Variants in RBM19 observed in about 807,000 individuals in gnomAD.
The protein encoded by RBM19 is RNA binding motif protein 19, also known as probable RNA-binding protein 19.
Under a neutral mutation model 116.8 loss-of-function variants are expected in RBM19, and 94 were observed. That is an observed-to-expected ratio of 0.80 (90% CI 0.68 to 0.95). RBM19 has a LOEUF of 0.95. Ranked by LOEUF, RBM19 falls within the 40% of genes least tolerant of loss-of-function variation. The pLI is 0.00. For missense variants in RBM19, 1,161 were observed against 1,220.7 expected (o/e 0.95, Z 0.73); for synonymous variants, 475 against 494.1 (o/e 0.96, Z 0.51).
intron 6 of RBM19, 70 bp from the exon 7 acceptor site, chr12:113,955,281 T>G (rs1320133365): frequency 1.4e-6 from 2 of 1,463,742 alleles, no homozygotes; most frequent in African/African-American, 2.8e-5. Context: ...GGTGGCACAC[T>G]GGGACATTTC....
At chr12:113,949,089 A>T in intron 9 of RBM19, 53 bp from the exon 10 acceptor site, 1 of 1,504,558 alleles carries the variant, frequency 6.6e-7, no homozygotes. Context: ...CTTGCCAGCA[A>T]CTCCTTGCTG....
chr12:113,881,602 T>C (rs1007060823), intron 21 of RBM19, among the ~76,000 whole-genome samples: 1 of 152,140 alleles, frequency 6.6e-6, no homozygotes, highest in Non-Finnish European at 1.5e-5. Context: ...CTTATATTAA[T>C]AAAAACCCTG....
chr12:113,853,764 T>C (rs1877658785), intron 22 of RBM19, among the ~76,000 whole-genome samples: 1 of 152,110 alleles, frequency 6.6e-6, no homozygotes, highest in African/African-American at 2.4e-5. Context: ...CTCCTGGGGA[T>C]TGGCAGGGTT....
At chr12:113,946,781 A>G (rs1285289462) in intron 11 of RBM19, among the ~76,000 whole-genome samples, 16 of 152,222 alleles carry the variant, frequency 1.1e-4, no homozygotes, top group Admixed American at 9.8e-4. Flanking sequence ...ACCAGTGAGT[A>G]AGAATGTGAG....
At chr12:113,872,049 C>T (rs1341566623) in intron 21 of RBM19, among the ~76,000 whole-genome samples, 2 of 145,486 alleles carry the variant, frequency 1.4e-5, no homozygotes, top group South Asian at 2.4e-4. Flanking sequence ...GGAGCGTCTC[C>T]GCCCAGCCGC....
chr12:113,885,338 AGGCAACT>A (rs1429779810), intron 21 of RBM19, among the ~76,000 whole-genome samples: 1 of 152,242 alleles, frequency 6.6e-6, no homozygotes, highest in Non-Finnish European at 1.5e-5. Context: ...AACTTCTACA[AGGCAACT>A]GGCTTGTACT....
chr12:113,893,572 T>C (rs754674678), intron 21 of RBM19, among the ~76,000 whole-genome samples: 3 of 152,206 alleles, frequency 2.0e-5, no homozygotes, highest in Non-Finnish European at 4.4e-5. Flanking sequence ...ACACTGGTAG[T>C]GTTTCTAATT....
chr12:113,847,877 C>G (rs1362406612), intron 22 of RBM19, among the ~76,000 whole-genome samples: 5 of 152,196 alleles, frequency 3.3e-5, no homozygotes, highest in Non-Finnish European at 7.3e-5. Context: ...GCGACATCAC[C>G]TCTCACAAAT....
At chr12:113,910,359 A>G (rs958991048) in intron 21 of RBM19, among the ~76,000 whole-genome samples, 2 of 152,204 alleles carry the variant, frequency 1.3e-5, no homozygotes, top group African/African-American at 4.8e-5. Context: ...CGATTCTTCT[A>G]CTGGTTCACA....
chr12:113,821,396 C>T (rs1874403526), downstream of RBM19, among the ~76,000 whole-genome samples: 1 of 152,142 alleles, frequency 6.6e-6, no homozygotes, highest in African/African-American at 2.4e-5. Context: ...AAGGTTCAGC[C>T]AGAAGGAGCC....
intron 21 of RBM19, among the ~76,000 whole-genome samples, chr12:113,910,866 G>A (rs1482067797): frequency 6.6e-6 from 1 of 152,220 alleles, no homozygotes; most frequent in Non-Finnish European, 1.5e-5. Flanking sequence ...CAGCTGCTGT[G>A]TATCAGCAGG....
intron 21 of RBM19, among the ~76,000 whole-genome samples, chr12:113,863,351 T>C (rs1180381375): frequency 6.6e-6 from 1 of 152,078 alleles, no homozygotes; most frequent in African/African-American, 2.4e-5. Context: ...ATGAATCATC[T>C]TGGGTCTCTC....
intron 23 of RBM19, among the ~76,000 whole-genome samples, chr12:113,838,419 G>A (rs563580568): frequency 5.9e-5 from 9 of 151,448 alleles, no homozygotes; most frequent in Non-Finnish European, 1.3e-4. Context: ...CAAACTCCAC[G>A]GGGAGAACAT....
At position 113,823,201 on chromosome 12, in the gene RBM19, C is replaced by T. The variant is rs768347977; in HGVS notation, c.*23G>A. On this transcript the variant is annotated 3_prime_UTR_variant, in exon 24 of 24. Coordinates refer to ENST00000261741, the MANE Select transcript of RBM19 (RefSeq NM_016196.4). ...TGTCCCGGTCCCCAGGGCCCCGGAGCCACACACCCTCTCGGTGCCAGCTCA... is the reference window on the plus strand; with the variant it reads ...TGTCCCGGTCCCCAGGGCCCCGGAGTCACACACCCTCTCGGTGCCAGCTCA... 1.9e-5 allele frequency: 31 copies of T among 1,602,476 alleles called. No individual in the cohort carries two copies. The East Asian group carries it at 6.0e-4, about 31-fold the overall frequency.
At chr12:113,959,435 C>T in intron 4 of RBM19, 31 bp from the exon 5 acceptor site, 10 of 1,584,956 alleles carry the variant, frequency 6.3e-6, no homozygotes, top group Non-Finnish European at 8.6e-6. Context: ...GCGGCAGGGA[C>T]ACGGGAAAAA....
chr12:113,908,295 G>A (rs1160665485), intron 21 of RBM19, among the ~76,000 whole-genome samples: 1 of 152,150 alleles, frequency 6.6e-6, no homozygotes, highest in Non-Finnish European at 1.5e-5. Context: ...CAATCGGGCA[G>A]TGACCCCATG....
chr12:113,886,137 C>T (rs1246030761), intron 21 of RBM19, among the ~76,000 whole-genome samples: 1 of 152,078 alleles, frequency 6.6e-6, no homozygotes, highest in Non-Finnish European at 1.5e-5. Context: ...TCCCAAAGTG[C>T]TGGGATTACA....
rs1881822064 is a variant in RBM19 at position 113,903,292 on chromosome 12, T to A, written c.2558+11677A>T. ...ACAGAATCATAGGATACGTGGCCTTTCGTGTCTGGCTTCTTTCACTCAGCA... is the reference window on the plus strand; with the variant it reads ...ACAGAATCATAGGATACGTGGCCTTACGTGTCTGGCTTCTTTCACTCAGCA... On this transcript the variant is annotated intron_variant, in intron 21 of 23. Coordinates refer to ENST00000261741, the MANE Select transcript of RBM19 (RefSeq NM_016196.4). The surrounding 1 kb of genome is among the most constrained non-coding windows in gnomAD (Gnocchi z 5.1). Among the ~76,000 whole-genome samples, 1 of 152,236 alleles carries A rather than the reference T, an allele frequency of 6.6e-6. No homozygotes were observed. The highest frequency in any genetic ancestry group is 6.5e-5 in the Admixed American group (1 of 15,286).
rs1227101643 is a variant in RBM19 at position 113,946,342 on chromosome 12, G to A, written c.1529+12C>T. 1 of 1,614,060 alleles carries A rather than the reference G, an allele frequency of 6.2e-7. No homozygotes were observed. Among genetic ancestry groups the A allele is most frequent in the South Asian group, 1.1e-5 (1 of 91,072 alleles). On this transcript the variant is annotated intron_variant, in intron 12 of 23. Coordinates refer to ENST00000261741, the MANE Select transcript of RBM19 (RefSeq NM_016196.4). ...GGGGTTGGAGCTCAGTGGTTTCAGG[G>A]GCACTGAGGACCTGGCACTGTTGGC...
Sources: gnomAD v4.1 joint callset for allele counts (sites outside exome capture counted in the v4.1 genomes callset) on GRCh38, gnomAD v4.1.1 for gene constraint, Gnocchi (gnomAD v3.1) non-coding constraint, MANE v1.5 for transcripts, NCBI Gene and HGNC (gene_info 2026-07-23, HGNC 2026-07-21) for gene names.